The following RYR2 variants were observed in gnomAD, a reference collection of about 807,000 sequenced individuals.
The protein encoded by RYR2 is cardiac muscle ryanodine receptor-calcium release channel.
In RYR2, 227 loss-of-function variants were observed where a neutral mutation model predicts 601.1. The ratio of observed to expected loss-of-function variants is 0.38; its 90% CI spans 0.34 to 0.42. RYR2 has a LOEUF of 0.42. Ranked by LOEUF, RYR2 falls within the 10% of genes least tolerant of loss-of-function variation. The pLI, the probability that RYR2 is intolerant of heterozygous loss-of-function variation, is 1.00. For synonymous variants in RYR2, 2,223 were observed against 2,175.1 expected (o/e 1.02, Z -0.61); for missense variants, 4,646 against 6,156.5 (o/e 0.75, Z 8.21).
chr1:237,536,681 C>T (rs1668653095), intron 25 of RYR2, among the ~76,000 whole-genome samples: 1 of 145,784 alleles, frequency 6.9e-6, no homozygotes. Flanking sequence ...TGCCACTGCA[C>T]TCCAGCCCGG....
At chr1:237,126,218 C>T (rs1558280483) in intron 1 of RYR2, among the ~76,000 whole-genome samples, 2 of 144,126 alleles carry the variant, frequency 1.4e-5, no homozygotes, top group Admixed American at 1.4e-4. Context: ...GCCTTGGCCA[C>T]AGAGTAAGAC....
intron 51 of RYR2, among the ~76,000 whole-genome samples, chr1:237,652,741 G>GA (rs977065844): frequency 4.6e-5 from 7 of 152,068 alleles, no homozygotes; most frequent in Admixed American, 4.6e-4. Flanking sequence ...GAAAATTCGT[G>GA]AAAAAAGATA....
chr1:237,264,049 A>T (rs1046410134), intron 1 of RYR2, among the ~76,000 whole-genome samples: 24 of 151,610 alleles, frequency 1.6e-4, no homozygotes, highest in African/African-American at 4.1e-4. Flanking sequence ...AGTCAAGCTA[A>T]CTTTGCTCAG....
intron 2 of RYR2, among the ~76,000 whole-genome samples, chr1:237,305,570 T>C (rs531617532): frequency 2.0e-5 from 3 of 152,278 alleles, no homozygotes; most frequent in South Asian, 2.1e-4. Flanking sequence ...TATCTGAAAC[T>C]ACAGGCATGC....
chr1:237,223,709 A>G (rs1684068338), intron 1 of RYR2, among the ~76,000 whole-genome samples: 1 of 152,230 alleles, frequency 6.6e-6, no homozygotes, highest in African/African-American at 2.4e-5. Flanking sequence ...ACTAGAAATT[A>G]TATGGCCACA....
At chr1:237,487,135 T>A (rs1352950646) in intron 17 of RYR2, among the ~76,000 whole-genome samples, 1 of 152,168 alleles carries the variant, frequency 6.6e-6, no homozygotes, top group African/African-American at 2.4e-5. Context: ...ACCATAAGCT[T>A]CACGACTATA....
At chr1:237,611,466 C>T (rs543585075) in intron 36 of RYR2, among the ~76,000 whole-genome samples, 2 of 152,050 alleles carry the variant, frequency 1.3e-5, no homozygotes, top group South Asian at 2.1e-4. Flanking sequence ...GGAGTGTCTT[C>T]GAAACAAGTT....
intron 96 of RYR2, among the ~76,000 whole-genome samples, chr1:237,796,070 C>T (rs1022958937): frequency 4.6e-5 from 7 of 151,414 alleles, no homozygotes; most frequent in East Asian, 1.9e-4. Flanking sequence ...GCAATGTGTT[C>T]GATTTTTATG....
In RYR2 at chr1:237,727,107, TA is replaced by T; in HGVS notation, c.10751del (p.Lys3584ArgfsTer17). On this transcript the variant is annotated frameshift_variant, in exon 76 of 105. Coordinates refer to ENST00000366574, the MANE Select transcript of RYR2 (RefSeq NM_001035.3). LOFTEE classifies it high-confidence loss of function. ...YCLVEHPQRSKKAVWHKLLSK... is the reference protein window; with the variant it reads ...YCLVEHPQRSXKAVWHKLLSK... ...CTCAGGTGGAACATCCTCAGAGATC[TA>T]AAAAGGCTGTATGGCATAAACTACT... 1 of 1,591,800 alleles carries T rather than the reference TA, an allele frequency of 6.3e-7. No homozygotes were observed. Among genetic ancestry groups the T allele is most frequent in the Non-Finnish European group, 8.6e-7 (1 of 1,159,998 alleles).
intron 63 of RYR2, among the ~76,000 whole-genome samples, chr1:237,695,581 G>T (rs1420512758): frequency 6.6e-6 from 1 of 152,060 alleles, no homozygotes; most frequent in East Asian, 1.9e-4. Context: ...AAACTCTGCT[G>T]GCCCTTCCTG....
At chr1:237,758,602 C>G (rs1693153811) in intron 82 of RYR2, among the ~76,000 whole-genome samples, 1 of 152,036 alleles carries the variant, frequency 6.6e-6, no homozygotes, top group Non-Finnish European at 1.5e-5. Flanking sequence ...GCATATGTAT[C>G]CTTTACATAT....
chr1:237,276,396 G>C (rs996621809), intron 2 of RYR2, among the ~76,000 whole-genome samples: 1 of 152,074 alleles, frequency 6.6e-6, no homozygotes. Flanking sequence ...CACCACGCCT[G>C]GCCTCAGTGC....
chr1:237,796,640 TA>T (rs1288998335), intron 96 of RYR2, among the ~76,000 whole-genome samples: 1 of 152,152 alleles, frequency 6.6e-6, no homozygotes, highest in Non-Finnish European at 1.5e-5. Context: ...TCTTGTTCAG[TA>T]TATTTCCTTC....
At chr1:237,448,707 T>C (rs554037174) in intron 14 of RYR2, among the ~76,000 whole-genome samples, 2 of 152,162 alleles carry the variant, frequency 1.3e-5, no homozygotes, top group Admixed American at 6.6e-5. Context: ...TTTGATGAAC[T>C]GACCCCTTTA....
intron 27 of RYR2, among the ~76,000 whole-genome samples, chr1:237,551,530 CA>C (rs34940458): frequency 2.0e-4 from 18 of 90,520 alleles, no homozygotes; most frequent in African/African-American, 6.6e-4. Context: ...GACTCCGTCT[CA>C]AAAAAAAAAA....
At chr1:237,654,514 A>C in intron 52 of RYR2, 100 bp downstream of exon 52, 1 of 1,196,002 alleles carries the variant, frequency 8.4e-7, no homozygotes, top group Non-Finnish European at 1.2e-6. Context: ...ATCTTTGCTA[A>C]CCAAGACACG....
chr1:237,074,811 G>A (rs1052131359), intron 1 of RYR2, among the ~76,000 whole-genome samples: 1 of 152,182 alleles, frequency 6.6e-6, no homozygotes, highest in African/African-American at 2.4e-5. Flanking sequence ...GGTGTGACTG[G>A]AACTATTGTT....
intron 29 of RYR2, among the ~76,000 whole-genome samples, chr1:237,570,998 G>A (rs895787641): frequency 1.3e-5 from 2 of 152,232 alleles, no homozygotes; most frequent in African/African-American, 4.8e-5. Context: ...GTGGTGGCAT[G>A]TTCCTGTAGC....
chr1:237,383,397 A>C (rs1158123897), intron 8 of RYR2, among the ~76,000 whole-genome samples: 1 of 67,130 alleles, frequency 1.5e-5, no homozygotes, highest in Non-Finnish European at 3.6e-5. Context: ...ATTTTTTTAC[A>C]TTTTCTTTTC....
Sources: gnomAD v4.1 joint callset for allele counts (sites outside exome capture counted in the v4.1 genomes callset) on GRCh38, gnomAD v4.1.1 for gene constraint, MANE v1.5 for transcripts, NCBI Gene and HGNC (gene_info 2026-07-23, HGNC 2026-07-21) for gene names.